The following ALDH1L1 variants were observed in gnomAD, a reference collection of about 807,000 sequenced individuals.
ALDH1L1 encodes aldehyde dehydrogenase 1 family member L1, also known as cytosolic 10-formyltetrahydrofolate dehydrogenase.
A neutral mutation model predicts 101.1 loss-of-function variants in ALDH1L1; 68 were observed. The observed-to-expected ratio is 0.67, with a 90% CI of 0.55 to 0.82. The LOEUF (loss-of-function observed/expected upper bound fraction) is 0.82, where lower values mean the gene tolerates loss of function less well. Ranked by LOEUF, ALDH1L1 falls within the 40% of genes least tolerant of loss-of-function variation. ALDH1L1 has a pLI of 0.00. For synonymous variants in ALDH1L1, 486 were observed against 470.8 expected (o/e 1.03, Z -0.42); for missense variants, 1,087 against 1,172.7 (o/e 0.93, Z 1.07).
chr3:126,197,856 T>G (rs1013055732), exon 1 of ALDH1L1: 6 of 152,042 alleles, frequency 3.9e-5, no homozygotes, highest in African/African-American at 1.5e-4. Context: ...AATTGAGCAA[T>G]GAACGATTCA....
intron 1 of ALDH1L1, among the ~76,000 whole-genome samples, chr3:126,165,941 T>G (rs1199120222): frequency 1.3e-5 from 2 of 152,230 alleles, no homozygotes; most frequent in Non-Finnish European, 2.9e-5. Flanking sequence ...TCTCTAATTT[T>G]TACTTCTTTT....
intron 11 of ALDH1L1, among the ~76,000 whole-genome samples, chr3:126,136,534 T>C (rs1035504245): frequency 6.6e-6 from 1 of 152,042 alleles, no homozygotes; most frequent in African/African-American, 2.4e-5. Context: ...CTGAAGCAGG[T>C]GCAAGACCCT....
At chr3:126,177,603 A>C (rs1474222624) in intron 1 of ALDH1L1, among the ~76,000 whole-genome samples, 1 of 152,158 alleles carries the variant, frequency 6.6e-6, no homozygotes, top group African/African-American at 2.4e-5. Flanking sequence ...AGGGCAGTGA[A>C]ACTATTCTCT....
intron 1 of ALDH1L1, among the ~76,000 whole-genome samples, chr3:126,195,640 C>T (rs4679215): frequency 0.62 from 94,727 of 152,106 alleles, 29,571 homozygotes; most frequent in Middle Eastern, 0.67. Context: ...ATAAATCATG[C>T]TGCTATAAAG....
intron 14 of ALDH1L1, among the ~76,000 whole-genome samples, chr3:126,127,400 G>A (rs769932645): frequency 6.6e-5 from 10 of 152,130 alleles, no homozygotes; most frequent in Non-Finnish European, 5.9e-5. Context: ...TCTTAGGCCC[G>A]TCCCTCCCTC....
In ALDH1L1 at chr3:126,127,547, G is replaced by C. The variant is rs531102663; in HGVS notation, c.1695-1826C>G. ...ATGGAGCCTGGGCAGGGGACACCAA[G>C]CAAGGTTTCTTGGTGTCCCCAAGAA... On this transcript the variant is annotated intron_variant, in intron 14 of 22. Coordinates refer to ENST00000393434, the MANE Select transcript of ALDH1L1 (RefSeq NM_012190.4). Among the ~76,000 whole-genome samples the C allele has an allele frequency of 2.0e-5, 3 of 152,282 alleles. No individual in the cohort carries two copies. In the East Asian group the frequency reaches 5.8e-4, roughly 30 times the overall value.
chr3:126,141,239 C>T (rs1175800330), intron 9 of ALDH1L1, among the ~76,000 whole-genome samples: 1 of 152,064 alleles, frequency 6.6e-6, no homozygotes, highest in South Asian at 2.1e-4. Flanking sequence ...ACACCTAACA[C>T]AGCCCTAAAA....
chr3:126,119,353 A>C (rs2080035551), intron 16 of ALDH1L1, among the ~76,000 whole-genome samples: 1 of 152,166 alleles, frequency 6.6e-6, no homozygotes, highest in African/African-American at 2.4e-5. Context: ...CTGAACTCTT[A>C]ATCGTTCACC....
intron 19 of ALDH1L1, among the ~76,000 whole-genome samples, chr3:126,111,675 G>A (rs1232908159): frequency 6.6e-6 from 1 of 152,180 alleles, no homozygotes; most frequent in African/African-American, 2.4e-5. Flanking sequence ...TCTCCTCCAG[G>A]GGCCCCTCCC....
At chr3:126,160,824 C>A in intron 2 of ALDH1L1, 29 bp downstream of exon 2, 1 of 1,609,646 alleles carries the variant, frequency 6.2e-7, no homozygotes, top group South Asian at 1.1e-5. Context: ...CGCCCTCCAT[C>A]AGCTTCCCTG....
intron 22 of ALDH1L1, 125 bp downstream of exon 22, chr3:126,105,601 C>A (rs772115562): frequency 1.8e-5 from 20 of 1,129,182 alleles, no homozygotes; most frequent in Non-Finnish European, 2.7e-5. Context: ...AGAAGCGAAC[C>A]CTGACAGCCA....
chr3:126,175,010 G>C (rs1257716507), intron 1 of ALDH1L1, among the ~76,000 whole-genome samples: 1 of 151,938 alleles, frequency 6.6e-6, no homozygotes, highest in African/African-American at 2.4e-5. Context: ...GGTTAACTAA[G>C]AAGAAAAAGA....
At chr3:126,121,065 G>A (rs1251881187) in intron 16 of ALDH1L1, among the ~76,000 whole-genome samples, 1 of 152,148 alleles carries the variant, frequency 6.6e-6, no homozygotes, top group African/African-American at 2.4e-5. Flanking sequence ...GATCCAAAAT[G>A]ACCAGTGTTC....
chr3:126,124,375 A>G lies in ALDH1L1; in HGVS notation c.1877T>C (p.Leu626Pro). Residue 626 changes from leucine to proline, a missense_variant, in exon 16 of 23, where the codon CTC becomes CCC. Around this residue, in one of 2 missense-constraint regions of ALDH1L1, gnomAD observed 442 missense variants for 535.7 expected, o/e 0.83. Coordinates refer to ENST00000393434, the MANE Select transcript of ALDH1L1 (RefSeq NM_012190.4). ...ACAATGGCTCTTACCAGATCCTGGG[A>G]GGACGTTAACCACACCTTTGGGAAT... The part of the protein sequence containing the change: ...AGIPKGVVNV[L>P]PGSGSLVGQR... The G allele has an allele frequency of 1.2e-6, 2 of 1,611,534 alleles. No homozygotes were observed. Among genetic ancestry groups the G allele is most frequent in the East Asian group, 4.5e-5 (2 of 44,616 alleles).
At chr3:126,116,337 G>T (rs1158902435) in intron 17 of ALDH1L1, among the ~76,000 whole-genome samples, 2 of 151,824 alleles carry the variant, frequency 1.3e-5, no homozygotes, top group African/African-American at 4.8e-5. Context: ...CGTGTCCCAG[G>T]CTTCTTCCAC....
At chr3:126,130,955 G>A (rs754447046) in intron 13 of ALDH1L1, among the ~76,000 whole-genome samples, 8 of 152,244 alleles carry the variant, frequency 5.3e-5, no homozygotes, top group Admixed American at 1.3e-4. Flanking sequence ...CCCCAGAAAA[G>A]CAGGCAGAAG....
At chr3:126,165,043 T>C (rs145115768) in intron 1 of ALDH1L1, among the ~76,000 whole-genome samples, 2,806 of 152,292 alleles carry the variant, frequency 0.018, 83 homozygotes, top group Non-Finnish European at 0.019. Context: ...TCCTCATTTG[T>C]TGGCTGCTTG....
intron 17 of ALDH1L1, chr3:126,115,039 C>T (rs1010776158): frequency 4.4e-6 from 2 of 456,516 alleles, no homozygotes; most frequent in East Asian, 1.4e-4. Context: ...ACCCCACCTG[C>T]AGAGCATGAG....
chr3:126,193,161 G>A (rs1015188390), intron 1 of ALDH1L1, among the ~76,000 whole-genome samples: 1 of 152,298 alleles, frequency 6.6e-6, no homozygotes, highest in Admixed American at 6.5e-5. Context: ...GAATATAGAA[G>A]TATGGAGCCC....
Sources: gnomAD v4.1 joint callset for allele counts (sites outside exome capture counted in the v4.1 genomes callset) on GRCh38, gnomAD v4.1.1 for gene constraint, gnomAD v4.1.1 regional missense constraint, MANE v1.5 for transcripts, NCBI Gene and HGNC (gene_info 2026-07-23, HGNC 2026-07-21) for gene names.